Variants in AZIN2 observed in about 807,000 individuals in gnomAD.
AZIN2 encodes ODC antizyme inhibitor-2.
In AZIN2, 28 loss-of-function variants were observed where a neutral mutation model predicts 47.8. The observed-to-expected ratio is 0.59, with a 90% CI of 0.43 to 0.80. The LOEUF is 0.80. Ranked by LOEUF, AZIN2 falls within the 30% of genes least tolerant of loss-of-function variation. AZIN2 has a pLI of 0.00. For missense variants in AZIN2, 535 were observed against 582.5 expected (o/e 0.92, Z 0.84); for synonymous variants, 221 against 239.4 (o/e 0.92, Z 0.71).
the AZIN2 span, chr1:33,158,388 G>C: frequency 4.4e-6 from 7 of 1,607,218 alleles, no homozygotes. Flanking sequence ...GAGCAGGAAA[G>C]GGGGCTGCAC....
At chr1:33,085,695 C>A (rs966030043) in intron 5 of AZIN2, among the ~76,000 whole-genome samples, 2 of 152,100 alleles carry the variant, frequency 1.3e-5, no homozygotes, top group Non-Finnish European at 2.9e-5. Flanking sequence ...TAACCTGTAG[C>A]AGGGACCGAA....
rs1644800306 is a variant in AZIN2 at position 33,121,800 on chromosome 1, C to T, written c.*1618C>T. ...ATTTTCTATCTTCACTTGAGCTTCT[C>T]TCTAGGTAAGCCTGACCATCCTGCT... On this transcript the variant is annotated 3_prime_UTR_variant, in exon 12 of 12. Transcript: ENST00000294517. Among the ~76,000 whole-genome samples the T allele has an allele frequency of 6.6e-6, 1 of 152,200 alleles. No homozygotes were observed. The highest frequency in any genetic ancestry group is 1.5e-5 in the Non-Finnish European group (1 of 68,042).
the AZIN2 span, chr1:33,162,895 A>C: frequency 6.6e-6 from 1 of 152,262 alleles, no homozygotes; most frequent in Non-Finnish European, 1.5e-5. Flanking sequence ...TAAGCTCCCA[A>C]GTTGCCATTT....
At chr1:33,132,916 G>A in the AZIN2 span, among the ~76,000 whole-genome samples, 1 of 152,226 alleles carries the variant, frequency 6.6e-6, no homozygotes, top group African/African-American at 2.4e-5. Context: ...AAAAGCATGG[G>A]GGAATGTTTT....
intron 8 of AZIN2, 84 bp from the exon 9 acceptor site, chr1:33,096,623 A>C: frequency 6.5e-7 from 1 of 1,529,082 alleles, no homozygotes; most frequent in Non-Finnish European, 9.0e-7. Flanking sequence ...AGCTTTCAAG[A>C]AATAGACTTG....
Position 33,084,085 on chromosome 1 carries a change from G to A in AZIN2, c.237G>A (p.Lys79=). 1 of 1,613,416 alleles carries A rather than the reference G, an allele frequency of 6.2e-7. No individual in the cohort carries two copies. Among genetic ancestry groups the A allele is most frequent in the East Asian group, 2.2e-5 (1 of 44,882 alleles). ...VKCNSSPGVL[K]VLAQLGLGFS... is the part of the protein sequence containing the mutation. ...GCAACAGCAGCCCAGGTGTGCTGAA[G>A]GTTCTGGCCCAGCTGGGGCTGGGCT... The change falls in exon 5 of 12, where the codon AAG becomes AAA. Residue 79 remains lysine (K), a synonymous_variant. Coordinates refer to ENST00000294517, the MANE Select transcript of AZIN2 (RefSeq NM_052998.4).
rs1162343244 is a variant in AZIN2 at position 33,121,966 on chromosome 1, C to T, written c.*1784C>T. Among the ~76,000 whole-genome samples, 2 of 152,084 alleles carry T rather than the reference C, an allele frequency of 1.3e-5. No individual in the cohort carries two copies. The highest frequency in any genetic ancestry group is 2.1e-4 in the South Asian group (1 of 4,830). The stretch of plus-strand genomic sequence containing the variant: ...CCTTTTCCAGGTGGGATCTAGTTTT[C>T]GGTATCTTGACAATAAATAGGCTGA... On this transcript the variant is annotated 3_prime_UTR_variant, in exon 12 of 12. Transcript: ENST00000294517.
At chr1:33,092,307 G>T in intron 6 of AZIN2, 85 bp downstream of exon 6, 1 of 1,429,002 alleles carries the variant, frequency 7.0e-7, no homozygotes, top group Non-Finnish European at 9.4e-7. Context: ...GCTGGGCTGT[G>T]GGGAGGCTGG....
Position 33,120,128 on chromosome 1 carries a change from GA to G in AZIN2, c.1330del (p.Ile444SerfsTer126). ...GCAAGCCTCTGTCCTGCGGCTGGGAGATCACAGACACCCTGTGCGTGGGCCC... is the reference window on the plus strand; with the variant it reads ...GCAAGCCTCTGTCCTGCGGCTGGGAGTCACAGACACCCTGTGCGTGGGCCC... Reference protein sequence around the residue: ...VCKPLSCGWEITDTLCVGPVF... With the variant: ...VCKPLSCGWEXTDTLCVGPVF... On this transcript the variant is annotated frameshift_variant, in exon 12 of 12. Coordinates refer to ENST00000294517, the MANE Select transcript of AZIN2 (RefSeq NM_052998.4). LOFTEE classifies it high-confidence loss of function. 6.2e-7 allele frequency: 1 copy of G among 1,613,940 alleles called. No individual in the cohort carries two copies. Among genetic ancestry groups the G allele is most frequent in the African/African-American group, 1.3e-5 (1 of 75,046 alleles).
At position 33,120,140 on chromosome 1, in the gene AZIN2, C is replaced by A; in HGVS notation, c.1341C>A (p.Thr447=). ...PLSCGWEITD[T]LCVGPVFTPA... is the part of the protein sequence containing the mutation. ...CCTGCGGCTGGGAGATCACAGACAC[C>A]CTGTGCGTGGGCCCTGTCTTCACCC... Residue 447 remains threonine (T), a synonymous_variant, in exon 12 of 12, where the codon ACC becomes ACA. Transcript: ENST00000294517. 6.2e-7 allele frequency: 1 copy of A among 1,613,720 alleles called. No individual in the cohort carries two copies. Among genetic ancestry groups the A allele is most frequent in the Non-Finnish European group, 8.5e-7 (1 of 1,179,722 alleles).
chr1:33,139,126 T>C, the AZIN2 span, among the ~76,000 whole-genome samples: 1 of 152,178 alleles, frequency 6.6e-6, no homozygotes, highest in Admixed American at 6.5e-5. Context: ...TGTTATAATT[T>C]GTTAAAAAAG....
intron 5 of AZIN2, among the ~76,000 whole-genome samples, chr1:33,089,254 CAGTGA>C (rs1642263106): frequency 6.6e-6 from 1 of 152,148 alleles, no homozygotes; most frequent in African/African-American, 2.4e-5. Flanking sequence ...ATACTTAATG[CAGTGA>C]CTGGCATAGG....
downstream of AZIN2, among the ~76,000 whole-genome samples, chr1:33,125,542 G>A (rs748169234): frequency 5.3e-5 from 8 of 151,996 alleles, no homozygotes; most frequent in Non-Finnish European, 7.4e-5. Flanking sequence ...TAAAGGCCTC[G>A]GCTTGAATGT....
the AZIN2 span, among the ~76,000 whole-genome samples, chr1:33,150,899 A>C: frequency 6.6e-6 from 1 of 152,220 alleles, no homozygotes; most frequent in Non-Finnish European, 1.5e-5. Context: ...GTGCCCAGGC[A>C]TGAACAGCAG....
At chr1:33,160,028 AC>A in the AZIN2 span, 275 of 1,540,082 alleles carry the variant, frequency 1.8e-4, 1 homozygote, top group Non-Finnish European at 2.2e-4. Context: ...GAGAGCCTTG[AC>A]ACACAGAGAG....
chr1:33,151,785 G>A, the AZIN2 span, among the ~76,000 whole-genome samples: 1 of 152,238 alleles, frequency 6.6e-6, no homozygotes, highest in South Asian at 2.1e-4. Context: ...ATCATGGACT[G>A]TGGAGGTCCC....
chr1:33,102,812 T>G (rs1221599951), intron 10 of AZIN2, among the ~76,000 whole-genome samples: 1 of 152,146 alleles, frequency 6.6e-6, no homozygotes, highest in Non-Finnish European at 1.5e-5. Flanking sequence ...CCGCTTGAGA[T>G]TCCTACTGGG....
the AZIN2 span, among the ~76,000 whole-genome samples, chr1:33,143,691 C>T: frequency 1.3e-5 from 2 of 152,234 alleles, no homozygotes; most frequent in African/African-American, 4.8e-5. Context: ...CCTAACCTCC[C>T]TCATTCTGTG....
the AZIN2 span, among the ~76,000 whole-genome samples, chr1:33,161,080 TGTGAAAGGAGTA>T: frequency 1.3e-5 from 2 of 152,240 alleles, no homozygotes; most frequent in Non-Finnish European, 2.9e-5. The surrounding 1 kb of genome is among the most constrained non-coding windows in gnomAD (Gnocchi z 4.3). Context: ...TTTTCTTATC[TGTGAAAGGAGTA>T]ACAAAAACTG....
Sources: gnomAD v4.1 joint callset for allele counts (sites outside exome capture counted in the v4.1 genomes callset) on GRCh38, gnomAD v4.1.1 for gene constraint, Gnocchi (gnomAD v3.1) non-coding constraint, MANE v1.5 for transcripts, NCBI Gene and HGNC (gene_info 2026-07-23, HGNC 2026-07-21) for gene names.